The following RIMS2 variants were observed in gnomAD, a reference collection of about 807,000 sequenced individuals.
The protein encoded by RIMS2 is regulating synaptic membrane exocytosis 2.
Under a neutral mutation model 174.4 loss-of-function variants are expected in RIMS2, and 59 were observed. The observed-to-expected ratio is 0.34, with a 90% CI of 0.27 to 0.42. The LOEUF (loss-of-function observed/expected upper bound fraction) is 0.42, where lower values mean the gene tolerates loss of function less well. RIMS2 is among the 10% of genes least tolerant of loss of function. The pLI is 1.00. For missense variants in RIMS2, 1,620 were observed against 1,666.3 expected (o/e 0.97, Z 0.48); for synonymous variants, 606 against 572.5 (o/e 1.06, Z -0.84).
chr8:103,952,662 G>A (rs1043866067), intron 14 of RIMS2, among the ~76,000 whole-genome samples: 2 of 152,182 alleles, frequency 1.3e-5, no homozygotes, highest in Non-Finnish European at 2.9e-5. Flanking sequence ...GGAGAAACCA[G>A]TGCAAAAAGG....
chr8:103,827,734 T>C (rs957095349), intron 3 of RIMS2, among the ~76,000 whole-genome samples: 3 of 151,816 alleles, frequency 2.0e-5, no homozygotes, highest in African/African-American at 7.3e-5. Flanking sequence ...ACTCAAGAGG[T>C]TGAGGCAGGA....
chr8:103,904,405 T>C (rs1289942339), intron 4 of RIMS2, among the ~76,000 whole-genome samples: 3 of 152,096 alleles, frequency 2.0e-5, no homozygotes, highest in African/African-American at 7.2e-5. Flanking sequence ...ATATAAAGCA[T>C]TCAGCCTTTT....
intron 1 of RIMS2, among the ~76,000 whole-genome samples, chr8:103,592,976 A>C (rs1016632080): frequency 1.3e-5 from 2 of 151,388 alleles, no homozygotes; most frequent in Non-Finnish European, 3.0e-5. Flanking sequence ...TTTTGAGCCA[A>C]AGTAGTTGCT....
At chr8:104,216,674 T>A (rs1210849616) in intron 19 of RIMS2, among the ~76,000 whole-genome samples, 1 of 152,076 alleles carries the variant, frequency 6.6e-6, no homozygotes, top group Non-Finnish European at 1.5e-5. Context: ...ATTAAATGAG[T>A]GTATGTGCTG....
chr8:103,597,745 C>T (rs1315083333), intron 1 of RIMS2, among the ~76,000 whole-genome samples: 3 of 151,378 alleles, frequency 2.0e-5, no homozygotes, highest in African/African-American at 7.3e-5. Context: ...TTTTATTCAC[C>T]TGCTATCTGA....
At chr8:103,746,036 T>C (rs2097807696) in intron 2 of RIMS2, among the ~76,000 whole-genome samples, 1 of 152,206 alleles carries the variant, frequency 6.6e-6, no homozygotes, top group Non-Finnish European at 1.5e-5. Flanking sequence ...ACCAAGGTCA[T>C]GAAGATTTAT....
At chr8:103,691,257 T>C (rs1476184527) in intron 1 of RIMS2, among the ~76,000 whole-genome samples, 1 of 152,196 alleles carries the variant, frequency 6.6e-6, no homozygotes, top group Non-Finnish European at 1.5e-5. Flanking sequence ...TCTCTGTTAT[T>C]ATCCCTTCGA....
chr8:103,952,376 G>A (rs2085689574), intron 14 of RIMS2, among the ~76,000 whole-genome samples: 2 of 152,178 alleles, frequency 1.3e-5, no homozygotes, highest in African/African-American at 2.4e-5. Flanking sequence ...CTGGCATCTG[G>A]TGGGTGCCCC....
intron 2 of RIMS2, among the ~76,000 whole-genome samples, chr8:103,765,243 A>G (rs955851131): frequency 6.6e-6 from 1 of 152,204 alleles, no homozygotes; most frequent in Non-Finnish European, 1.5e-5. Flanking sequence ...TTAATTGAAA[A>G]GGATTTTTCA....
chr8:103,740,082 T>A (rs554679237), intron 2 of RIMS2, among the ~76,000 whole-genome samples: 1 of 152,160 alleles, frequency 6.6e-6, no homozygotes, highest in Non-Finnish European at 1.5e-5. Flanking sequence ...AATGATTTGT[T>A]TAGATAAGCA....
chr8:104,240,158 G>A (rs931606422), intron 19 of RIMS2, among the ~76,000 whole-genome samples: 42 of 152,172 alleles, frequency 2.8e-4, no homozygotes, highest in Non-Finnish European at 5.9e-5. Flanking sequence ...AAGGGCTGGT[G>A]TGGTTCAGTT....
intron 17 of RIMS2, among the ~76,000 whole-genome samples, chr8:104,009,464 T>C (rs932443502): frequency 1.3e-5 from 2 of 151,942 alleles, no homozygotes; most frequent in Non-Finnish European, 2.9e-5. Context: ...CGCTATTTTT[T>C]ATTTTTATTT....
chr8:103,912,084 G>A, exon 6 of RIMS2: 1 of 1,602,976 alleles, frequency 6.2e-7, no homozygotes, highest in African/African-American at 1.3e-5. Context: ...TCTAAAGATG[G>A]AGATCGTTTA....
chr8:103,545,816 T>G (rs1563722027), intron 1 of RIMS2, among the ~76,000 whole-genome samples: 1 of 152,108 alleles, frequency 6.6e-6, no homozygotes, highest in African/African-American at 2.4e-5. Context: ...GATCCTTTTT[T>G]AACAAGTAAG....
chr8:103,886,866 C>T (rs1594577056), intron 4 of RIMS2, among the ~76,000 whole-genome samples: 1 of 151,604 alleles, frequency 6.6e-6, no homozygotes, highest in African/African-American at 2.4e-5. Context: ...TATACCACAA[C>T]TAAATATTTC....
chr8:103,763,391 G>A (rs2098133118), intron 2 of RIMS2, among the ~76,000 whole-genome samples: 3 of 151,412 alleles, frequency 2.0e-5, no homozygotes, highest in African/African-American at 7.3e-5. Flanking sequence ...AACTGATATT[G>A]TGCCGCTGAA....
chr8:103,783,754 A>G (rs2098415102), intron 3 of RIMS2, among the ~76,000 whole-genome samples: 1 of 151,092 alleles, frequency 6.6e-6, no homozygotes, highest in South Asian at 2.1e-4. Flanking sequence ...TTATAGCAGC[A>G]TGATTTATAG....
intron 1 of RIMS2, among the ~76,000 whole-genome samples, chr8:103,694,101 T>C (rs943494647): frequency 6.6e-6 from 1 of 152,212 alleles, no homozygotes; most frequent in Non-Finnish European, 1.5e-5. Flanking sequence ...TGTCACACTA[T>C]TGATCTGTTG....
At chr8:103,606,667 C>G (rs1263154421) in intron 1 of RIMS2, among the ~76,000 whole-genome samples, 1 of 152,090 alleles carries the variant, frequency 6.6e-6, no homozygotes, top group African/African-American at 2.4e-5. Flanking sequence ...AGGACTTGCT[C>G]TATGAATCTG....
Sources: gnomAD v4.1 joint callset for allele counts (sites outside exome capture counted in the v4.1 genomes callset) on GRCh38, gnomAD v4.1.1 for gene constraint, MANE v1.5 for transcripts, NCBI Gene and HGNC (gene_info 2026-07-23, HGNC 2026-07-21) for gene names.